ATG4A: variants seen among roughly 807,000 people sequenced by gnomAD.
ATG4A encodes the protein autophagy related 4A cysteine peptidase, also known as cysteine protease ATG4A.
Under a neutral mutation model 38.4 loss-of-function variants are expected in ATG4A, and 22 were observed. The observed-to-expected ratio is 0.57, with a 90% CI of 0.41 to 0.82. The LOEUF (loss-of-function observed/expected upper bound fraction) is 0.82, where lower values mean the gene tolerates loss of function less well. Ranked by LOEUF, ATG4A falls within the 40% of genes least tolerant of loss-of-function variation. The pLI is 0.00. For synonymous variants in ATG4A, 86 were observed against 100.7 expected, an observed-to-expected ratio of 0.85 and a Z score of 0.88; for missense variants, 220 against 290.0, an observed-to-expected ratio of 0.76 and a Z score of 1.75.
At position 108,099,698 on chromosome X, in the gene ATG4A, G is replaced by C. The variant is rs143286166; in HGVS notation, c.10+7862G>C. Among the ~76,000 whole-genome samples, 3 of 111,745 alleles carry C rather than the reference G, an allele frequency of 2.7e-5. No homozygotes were observed. In the Admixed American group the frequency reaches 2.9e-4, roughly 11 times the overall value. On this transcript the variant is annotated intron_variant, in intron 1 of 12. Transcript: ENST00000372232. ...CATAAAATGTGAAGTTTAGGTCAAG[G>C]TTAATTTTTTTGGATTATTGATATC...
In ATG4A at chrX:108,137,164, G is replaced by C. The variant is rs2033126854; in HGVS notation, c.541G>C (p.Asp181His). 1 of 1,199,798 alleles carries C rather than the reference G, an allele frequency of 8.3e-7. No homozygotes were observed. Among genetic ancestry groups the C allele is most frequent in the African/African-American group, 1.7e-5 (1 of 57,209 alleles). The change falls in exon 7 of 13, where the codon GAT (aspartate) becomes CAT (histidine). Residue 181 changes from aspartate to histidine, a missense_variant. Around this residue, in one of 3 missense-constraint regions of ATG4A, gnomAD observed 159 missense variants for 188.9 expected, o/e 0.84. Transcript: ENST00000372232. ...AATGGATAACACAGTGGTCATTGAA[G>C]ATATCAGTGAGTTACCAGCCTGTTT... Reference protein sequence around the residue: ...VSMDNTVVIEDIKKMCRVLPL... With the variant: ...VSMDNTVVIEHIKKMCRVLPL...
intron 4 of ATG4A, among the ~76,000 whole-genome samples, chrX:108,133,851 A>G (rs1390279487): frequency 8.9e-6 from 1 of 111,926 alleles, no homozygotes; most frequent in Admixed American, 9.5e-5. Context: ...CTTTTACTTT[A>G]TACCCACTGA....
intron 1 of ATG4A, among the ~76,000 whole-genome samples, chrX:108,105,625 C>G (rs1229938511): frequency 9.0e-6 from 1 of 111,367 alleles, no homozygotes; most frequent in African/African-American, 3.3e-5. Context: ...AGTTGTGTAT[C>G]TCCTCCCAAC....
At chrX:108,109,932 AT>A (rs1255358912) in intron 1 of ATG4A, among the ~76,000 whole-genome samples, 3 of 111,658 alleles carry the variant, frequency 2.7e-5, no homozygotes, top group Non-Finnish European at 5.6e-5. Flanking sequence ...CTTTTTCAAA[AT>A]TGTTTTAGCA....
chrX:108,141,001 T>TATATATACGTATATATACACAC (rs1453634572), intron 9 of ATG4A, among the ~76,000 whole-genome samples: 2 of 80,564 alleles, frequency 2.5e-5, no homozygotes, highest in Non-Finnish European at 4.4e-5. Flanking sequence ...TATATATACA[T>TATATATACGTATATATACACAC]ATATATACGT....
upstream of ATG4A, chrX:108,091,565 C>G: frequency 1.8e-6 from 2 of 1,139,404 alleles, no homozygotes; most frequent in Non-Finnish European, 1.2e-6. Context: ...ACGCCCGCCT[C>G]ACGTCGCCGG....
At chrX:108,129,023 C>G (rs2032877549) in intron 3 of ATG4A, among the ~76,000 whole-genome samples, 171 bp downstream of exon 3, 1 of 112,131 alleles carries the variant, frequency 8.9e-6, no homozygotes, top group African/African-American at 3.2e-5. Flanking sequence ...CTAAAGTATC[C>G]TTTCACATAT....
chrX:108,091,362 C>T, upstream of ATG4A: 1 of 1,153,464 alleles, frequency 8.7e-7, no homozygotes, highest in Non-Finnish European at 1.2e-6. Context: ...CCACGTAGGG[C>T]TTCGCCGACG....
intron 1 of ATG4A, among the ~76,000 whole-genome samples, chrX:108,095,251 GTCT>G (rs763983406): frequency 3.1e-3 from 350 of 111,967 alleles, no homozygotes; most frequent in Non-Finnish European, 5.1e-3. Flanking sequence ...TTGAGACAGG[GTCT>G]TCTTCTGTTG....
At chrX:108,125,175 A>G (rs1259236709) in intron 1 of ATG4A, among the ~76,000 whole-genome samples, 2 of 111,076 alleles carry the variant, frequency 1.8e-5, no homozygotes, top group Non-Finnish European at 3.8e-5. Flanking sequence ...TTATTTATTT[A>G]AAGAGATGGG....
At chrX:108,140,893 TAC>T (rs1170308538) in intron 9 of ATG4A, among the ~76,000 whole-genome samples, 1 of 95,444 alleles carries the variant, frequency 1.0e-5, no homozygotes, top group African/African-American at 3.8e-5. Context: ...TACAAATACA[TAC>T]ACAAAGTATT....
upstream of ATG4A, chrX:108,088,891 G>A (rs776058850): frequency 5.0e-6 from 5 of 1,000,162 alleles, no homozygotes; most frequent in Admixed American, 8.4e-5. Context: ...GAAATAGAAG[G>A]CAAAAAAGCA....
At chrX:108,088,858 G>A, upstream of ATG4A, 1 of 1,123,105 alleles carries the variant, frequency 8.9e-7, no homozygotes. Context: ...GTCCTACAGA[G>A]AAGCAGTAAT....
At chrX:108,136,210 A>C (rs896801696) in intron 6 of ATG4A, among the ~76,000 whole-genome samples, 4 of 111,127 alleles carry the variant, frequency 3.6e-5, no homozygotes, top group Non-Finnish European at 7.5e-5. Context: ...AAATGAATGA[A>C]ATACAAGGGT....
intron 1 of ATG4A, among the ~76,000 whole-genome samples, chrX:108,121,930 A>G (rs2032662374): frequency 8.9e-6 from 1 of 112,201 alleles, no homozygotes; most frequent in Non-Finnish European, 1.9e-5. Flanking sequence ...CAAGTTCTTT[A>G]AGATGTGATT....
chrX:108,111,310 C>CT (rs2032348774), intron 1 of ATG4A, among the ~76,000 whole-genome samples: 1 of 112,509 alleles, frequency 8.9e-6, no homozygotes, highest in Admixed American at 9.4e-5. Context: ...GATTGGGGTA[C>CT]TTTTCATTGG....
chrX:108,137,778 C>G (rs2033143254), intron 7 of ATG4A, 26 bp from the exon 8 acceptor site: 1 of 1,132,753 alleles, frequency 8.8e-7, no homozygotes, highest in Non-Finnish European at 1.2e-6. Context: ...CCTTACTTAT[C>G]CAATATTCTG....
intron 1 of ATG4A, among the ~76,000 whole-genome samples, chrX:108,113,389 G>A (rs1602628034): frequency 9.0e-6 from 1 of 111,396 alleles, no homozygotes; most frequent in Non-Finnish European, 1.9e-5. Context: ...CCATTGGGGG[G>A]CACTGGCAAG....
intron 1 of ATG4A, among the ~76,000 whole-genome samples, chrX:108,097,059 T>C (rs187367498): frequency 3.3e-4 from 37 of 111,935 alleles, no homozygotes; most frequent in Non-Finnish European, 4.3e-4. Context: ...ATAGATGACA[T>C]TGTCAGTTAC....
Sources: gnomAD v4.1 joint callset for allele counts (sites outside exome capture counted in the v4.1 genomes callset) on GRCh38, gnomAD v4.1.1 for gene constraint, gnomAD v4.1.1 regional missense constraint, MANE v1.5 for transcripts, NCBI Gene and HGNC (gene_info 2026-07-23, HGNC 2026-07-21) for gene names.